Variants in BSCL2 observed in about 807,000 individuals in gnomAD.
BSCL2 encodes BSCL2 lipid droplet biogenesis associated, seipin.
Under a neutral mutation model 57.4 loss-of-function variants are expected in BSCL2, and 41 were observed. The observed-to-expected ratio is 0.71, with a 90% CI of 0.56 to 0.93. The LOEUF (loss-of-function observed/expected upper bound fraction) is 0.93. Among genes scored for constraint, BSCL2 ranks in the 40% least tolerant of loss-of-function variants. The pLI, the probability that BSCL2 is intolerant of heterozygous loss-of-function variation, is 0.00. For missense variants in BSCL2, 539 were observed against 586.7 expected (o/e 0.92, Z 0.84); for synonymous variants, 237 against 227.3 (o/e 1.04, Z -0.38).
chr11:62,704,296 G>A (rs949389491), intron 2 of BSCL2, among the ~76,000 whole-genome samples: 1 of 150,332 alleles, frequency 6.7e-6, no homozygotes, highest in Non-Finnish European at 1.5e-5. Flanking sequence ...CACTTTGGGA[G>A]GCCAAGGCAG....
chr11:62,696,278 T>TGTGTGTGTGTGTGTGTGTG (rs371756427), intron 3 of BSCL2, among the ~76,000 whole-genome samples: 16 of 136,228 alleles, frequency 1.2e-4, no homozygotes, highest in Admixed American at 2.3e-4. Context: ...CATAAACTTT[T>TGTGTGTGTGTGTGTGTGTG]TGTGTGTGTG....
intron 2 of BSCL2, among the ~76,000 whole-genome samples, chr11:62,704,186 T>C (rs1590883828): frequency 7.0e-6 from 1 of 142,880 alleles, no homozygotes; most frequent in African/African-American, 2.6e-5. Context: ...GTGGCTCACG[T>C]CTGTAATCCC....
At chr11:62,695,828 T>C (rs1945443915) in intron 3 of BSCL2, among the ~76,000 whole-genome samples, 1 of 151,660 alleles carries the variant, frequency 6.6e-6, no homozygotes, top group Non-Finnish European at 1.5e-5. Flanking sequence ...ACTAAGGCAA[T>C]GGTTGACACC....
At chr11:62,694,095 T>A (rs983124475) in intron 4 of BSCL2, among the ~76,000 whole-genome samples, 4 of 151,712 alleles carry the variant, frequency 2.6e-5, no homozygotes, top group African/African-American at 4.8e-5. Flanking sequence ...ATTACAGGCA[T>A]GAGCCACTGC....
intron 3 of BSCL2, among the ~76,000 whole-genome samples, chr11:62,701,667 T>C (rs1945642819): frequency 6.6e-6 from 1 of 151,774 alleles, no homozygotes; most frequent in Non-Finnish European, 1.5e-5. Flanking sequence ...CCATCCCTAC[T>C]AAAAATACAA....
upstream of BSCL2, chr11:62,708,216 T>G: frequency 1.1e-6 from 1 of 910,228 alleles, no homozygotes; most frequent in Non-Finnish European, 1.9e-6. Context: ...ACCACAGCCT[T>G]GTAAAGGTTG....
chr11:62,708,566 A>T, upstream of BSCL2: 1 of 1,470,438 alleles, frequency 6.8e-7, no homozygotes, highest in Non-Finnish European at 9.3e-7. Context: ...ATGAGGGAGA[A>T]GACAAGTCGT....
At position 62,690,803 on chromosome 11, in the gene BSCL2, T is replaced by G. The variant is rs6856; in HGVS notation, c.1137A>C (p.Glu379Asp). Reference sequence around the variant, plus strand: ...GCGCCATACCTGTCCCTGAGGGATCTTCAGGGCTCTCACCATCCTCTGTAA... The same window carrying G: ...GCGCCATACCTGTCCCTGAGGGATCGTCAGGGCTCTCACCATCCTCTGTAA... ...SDVTEDGESP[E>D]DPSGTEGQLS... is the part of the protein sequence containing the mutation. Residue 379 changes from glutamate (E) to aspartate (D), a missense_variant, in exon 9 of 11, where the codon GAA becomes GAC. By Grantham distance (45) the Glu-to-Asp change is conservative (BLOSUM62 2). Coordinates refer to ENST00000360796, the MANE Select transcript of BSCL2 (RefSeq NM_001122955.4). 1.9e-6 allele frequency: 3 copies of G among 1,613,492 alleles called. No homozygotes were observed.
At chr11:62,695,250 T>C (rs1245713688) in intron 3 of BSCL2, among the ~76,000 whole-genome samples, 1 of 152,178 alleles carries the variant, frequency 6.6e-6, no homozygotes, top group African/African-American at 2.4e-5. Flanking sequence ...CTCAAGAGGT[T>C]AAAGATTTGC....
Position 62,692,723 on chromosome 11 carries a change from G to A in BSCL2, c.705C>T (p.Gly235=), listed in dbSNP as rs1412056828. Residue 235 remains glycine (G), a synonymous_variant, in exon 5 of 11, where the codon GGC becomes GGT. Transcript: ENST00000360796. ...CCAGCAGCTGCTTCTGCTCTGCAAA[G>A]CCAAATAGCAGGAGGCTAGAGAAGA... ...TLVFSSLLLF[G]FAEQKQLLEV... The A allele has an allele frequency of 1.2e-6, 2 of 1,614,164 alleles. No homozygotes were observed. Among genetic ancestry groups the A allele is most frequent in the South Asian group, 1.1e-5 (1 of 91,088 alleles).
intron 1 of BSCL2, chr11:62,706,568 G>T: frequency 4.3e-6 from 2 of 465,170 alleles, no homozygotes; most frequent in Admixed American, 4.7e-5. Context: ...TGCAGCCTCC[G>T]CTCGGCTCTC....
intron 3 of BSCL2, among the ~76,000 whole-genome samples, chr11:62,699,032 AG>A (rs1447936964): frequency 6.6e-6 from 1 of 151,864 alleles, no homozygotes; most frequent in Non-Finnish European, 1.5e-5. Context: ...CAGCCTCCAG[AG>A]TAGCTGGGAT....
Position 62,707,209 on chromosome 11 carries a change from C to T in BSCL2, c.-14G>A, listed in dbSNP as rs1287378785. 1 of 1,551,342 alleles carries T rather than the reference C, an allele frequency of 6.4e-7. No individual in the cohort carries two copies. Among genetic ancestry groups the T allele is most frequent in the Admixed American group, 2.0e-5 (1 of 50,988 alleles). ...TTCTGTAGACATCTTCCTGACGAGCCTCTGTTGACTCTGGATCTTCCACTG... is the reference window on the plus strand; with the variant it reads ...TTCTGTAGACATCTTCCTGACGAGCTTCTGTTGACTCTGGATCTTCCACTG... On this transcript the variant is annotated 5_prime_UTR_variant, in exon 1 of 11. Transcript: ENST00000360796.
intron 3 of BSCL2, among the ~76,000 whole-genome samples, chr11:62,698,001 G>A (rs183431003): frequency 1.7e-3 from 249 of 149,448 alleles, no homozygotes; most frequent in African/African-American, 5.6e-3. Context: ...TCTGCCTCCC[G>A]GGTTCACGCC....
At chr11:62,697,237 A>G (rs1258213293) in intron 3 of BSCL2, among the ~76,000 whole-genome samples, 1 of 151,130 alleles carries the variant, frequency 6.6e-6, no homozygotes, top group East Asian at 2.0e-4. Context: ...TACTGAAAAT[A>G]CAAAAAAATT....
intron 3 of BSCL2, among the ~76,000 whole-genome samples, chr11:62,698,566 C>T (rs1023004150): frequency 1.2e-4 from 19 of 152,342 alleles, no homozygotes; most frequent in Admixed American, 6.5e-4. Context: ...TTTCCATCAA[C>T]GCTGTGAGCT....
chr11:62,696,937 C>G (rs1945486378), intron 3 of BSCL2, among the ~76,000 whole-genome samples: 1 of 151,758 alleles, frequency 6.6e-6, no homozygotes, highest in Non-Finnish European at 1.5e-5. Flanking sequence ...GCTGAGGAGA[C>G]TGAGGCAGGA....
In BSCL2 at chr11:62,690,826, T is replaced by C; in HGVS notation, c.1114A>G (p.Thr372Ala). 2 of 1,613,734 alleles carry C rather than the reference T, an allele frequency of 1.2e-6. No individual in the cohort carries two copies. The highest frequency in any genetic ancestry group is 1.7e-6 in the Non-Finnish European group (2 of 1,180,024). Residue 372 changes from threonine (T) to alanine (A), a missense_variant, in exon 9 of 11, where the codon ACA becomes GCA. Around this residue, in one of 3 missense-constraint regions of BSCL2, gnomAD observed 248 missense variants for 239.9 expected, o/e 1.03. Transcript: ENST00000360796. ...QEESTPQSDV[T>A]EDGESPEDPS... ...TCTTCAGGGCTCTCACCATCCTCTG[T>C]AACATCTGATTGCGGAGTTGACTCC... is the stretch of plus-strand genomic sequence containing the variant.
chr11:62,700,679 G>C (rs947909271), intron 3 of BSCL2, among the ~76,000 whole-genome samples: 1 of 152,058 alleles, frequency 6.6e-6, no homozygotes, highest in Non-Finnish European at 1.5e-5. Flanking sequence ...CAGGCTGGGT[G>C]TGGTTGCTCA....
Sources: gnomAD v4.1 joint callset for allele counts (sites outside exome capture counted in the v4.1 genomes callset) on GRCh38, gnomAD v4.1.1 for gene constraint, gnomAD v4.1.1 regional missense constraint, MANE v1.5 for transcripts, NCBI Gene and HGNC (gene_info 2026-07-23, HGNC 2026-07-21) for gene names.